RPH3A: variants seen among roughly 807,000 people sequenced by gnomAD.
RPH3A encodes rabphilin 3A.
In RPH3A, 48 loss-of-function variants were observed where a neutral mutation model predicts 102.2. The observed-to-expected ratio is 0.47, with a 90% CI of 0.37 to 0.60. The LOEUF is 0.60. Ranked by LOEUF, RPH3A falls within the 20% of genes least tolerant of loss-of-function variation. The pLI, the probability that RPH3A is intolerant of heterozygous loss-of-function variation, is 0.00. For missense variants in RPH3A, 781 were observed against 910.1 expected, an observed-to-expected ratio of 0.86 and a Z score of 1.83; for synonymous variants, 310 against 324.3, an observed-to-expected ratio of 0.96 and a Z score of 0.47.
At chr12:112,875,425 C>T (rs1234308497) in intron 11 of RPH3A, among the ~76,000 whole-genome samples, 1 of 152,080 alleles carries the variant, frequency 6.6e-6, no homozygotes, top group Non-Finnish European at 1.5e-5. Context: ...CCAGTGTTTC[C>T]CACCTCAAGG....
At chr12:112,887,087 T>C (rs1330491189) in intron 16 of RPH3A, among the ~76,000 whole-genome samples, 1 of 152,210 alleles carries the variant, frequency 6.6e-6, no homozygotes, top group Non-Finnish European at 1.5e-5. Context: ...CTTGGAAAAC[T>C]GTTTTGAAGT....
chr12:112,699,483 A>C (rs1323415620), intron 1 of RPH3A, among the ~76,000 whole-genome samples: 1 of 152,240 alleles, frequency 6.6e-6, no homozygotes, highest in Non-Finnish European at 1.5e-5. Flanking sequence ...ACGTGACCAC[A>C]TGGGCAAATC....
At chr12:112,694,077 G>T (rs542437559) in intron 1 of RPH3A, among the ~76,000 whole-genome samples, 1 of 152,320 alleles carries the variant, frequency 6.6e-6, no homozygotes, top group African/African-American at 2.4e-5. Context: ...ATAAGATTTT[G>T]TCAGAAGCTC....
chr12:112,712,879 T>TTTTTTC (rs2040472924), intron 1 of RPH3A, among the ~76,000 whole-genome samples: 2 of 136,846 alleles, frequency 1.5e-5, no homozygotes, highest in African/African-American at 6.4e-5. Context: ...CTCACTTTTT[T>TTTTTTC]TTCTTCTTCT....
chr12:112,860,483 A>G (rs974297176), intron 5 of RPH3A, among the ~76,000 whole-genome samples: 8 of 152,190 alleles, frequency 5.3e-5, no homozygotes, highest in Admixed American at 5.2e-4. Flanking sequence ...TGGTGAAAGG[A>G]GCAGGCAATA....
chr12:112,660,107 C>T (rs2040039479), intron 1 of RPH3A, among the ~76,000 whole-genome samples: 1 of 152,054 alleles, frequency 6.6e-6, no homozygotes, highest in Non-Finnish European at 1.5e-5. Context: ...TAAATATATA[C>T]ATATTATATG....
chr12:112,821,723 C>T (rs185147032), intron 2 of RPH3A, among the ~76,000 whole-genome samples: 63 of 152,288 alleles, frequency 4.1e-4, no homozygotes, highest in African/African-American at 1.5e-3. Flanking sequence ...CACCTGTGGA[C>T]ACATTTAATA....
Position 112,709,721 on chromosome 12 carries a change from T to C in RPH3A, c.-139-82422T>C, listed in dbSNP as rs79312111. Among the ~76,000 whole-genome samples the C allele has an allele frequency of 2.0e-4, 31 of 152,236 alleles. 1 individual carries two copies. In the East Asian group the frequency reaches 5.0e-3, roughly 25 times the overall value. ...GAAAAAATGCTGTTTAAACCAAGCT[T>C]GTAGGTTGCAGGTGGGTCATTCCAA... On this transcript the variant is annotated intron_variant, in intron 1 of 21. Coordinates refer to the RPH3A transcript ENST00000543106.
chr12:112,830,837 C>T (rs987176422), intron 3 of RPH3A, among the ~76,000 whole-genome samples: 3 of 151,510 alleles, frequency 2.0e-5, no homozygotes, highest in Admixed American at 1.3e-4. Flanking sequence ...AGTCCTCTTA[C>T]GTTTCAGGTA....
intron 2 of RPH3A, among the ~76,000 whole-genome samples, chr12:112,823,388 T>C (rs942442645): frequency 6.6e-6 from 1 of 152,232 alleles, no homozygotes; most frequent in East Asian, 1.9e-4. Context: ...ATGAGGATAA[T>C]ACCATCTACC....
At chr12:112,620,762 A>T (rs1404856995) in intron 1 of RPH3A, among the ~76,000 whole-genome samples, 1 of 151,904 alleles carries the variant, frequency 6.6e-6, no homozygotes, top group African/African-American at 2.4e-5. Flanking sequence ...TTAACTGGCC[A>T]CTCCATCCTT....
chr12:112,742,680 G>A (rs2040718039), intron 1 of RPH3A, among the ~76,000 whole-genome samples: 1 of 152,184 alleles, frequency 6.6e-6, no homozygotes, highest in Non-Finnish European at 1.5e-5. Flanking sequence ...TTTATTGCTG[G>A]GTAAATGCTG....
chr12:112,734,912 G>A (rs949360507), intron 1 of RPH3A, among the ~76,000 whole-genome samples: 4 of 152,188 alleles, frequency 2.6e-5, no homozygotes, highest in African/African-American at 9.7e-5. Context: ...CTTCTTTACT[G>A]TATGCTGTTT....
chr12:112,589,247 C>T (rs938093334), intron 1 of RPH3A, among the ~76,000 whole-genome samples: 2 of 152,078 alleles, frequency 1.3e-5, no homozygotes. Context: ...TTATTCCTGC[C>T]TCTTAACTTT....
At chr12:112,713,706 G>A (rs2040496249) in intron 1 of RPH3A, among the ~76,000 whole-genome samples, 1 of 152,210 alleles carries the variant, frequency 6.6e-6, no homozygotes, top group Admixed American at 6.5e-5. Context: ...TATGGTGGAT[G>A]TTCAATAAAT....
At chr12:112,704,406 G>A (rs993285306) in intron 1 of RPH3A, among the ~76,000 whole-genome samples, 5 of 152,102 alleles carry the variant, frequency 3.3e-5, no homozygotes, top group Admixed American at 1.3e-4. Context: ...TCTTTTCAAG[G>A]TGCAGATCTA....
rs771905568 is a variant in RPH3A, at chr12:112,896,660, G to A, written c.1965G>A (p.Gln655=). The A allele has an allele frequency of 6.2e-7, 1 of 1,614,122 alleles. No homozygotes were observed. The highest frequency in any genetic ancestry group is 1.7e-5 in the Admixed American group (1 of 60,028). The change falls in exon 22 of 22, where the codon CAG becomes CAA. Residue 655 remains glutamine (Q), a synonymous_variant. Transcript: ENST00000389385. Reference sequence around the variant, plus strand: ...CCATTTATCCTCCAGGAGGCTGCCAGCTGGGGATCTCTGCCAAGGGAGAGC... The same window carrying A: ...CCATTTATCCTCCAGGAGGCTGCCAACTGGGGATCTCTGCCAAGGGAGAGC... ...GKSNDYIGGC[Q]LGISAKGERL...
At chr12:112,591,140 T>C (rs2039474930) in intron 1 of RPH3A, among the ~76,000 whole-genome samples, 1 of 149,366 alleles carries the variant, frequency 6.7e-6, no homozygotes, top group Non-Finnish European at 1.5e-5. Context: ...AAAATAGAGA[T>C]GGGGTCTTGC....
At chr12:112,857,981 A>G (rs2042437970) in intron 5 of RPH3A, among the ~76,000 whole-genome samples, 2 of 152,162 alleles carry the variant, frequency 1.3e-5, no homozygotes, top group South Asian at 4.1e-4. Flanking sequence ...TGTTGTCTCT[A>G]AATGGGACTG....
Sources: allele counts gnomAD v4.1 joint callset (sites outside exome capture counted in the v4.1 genomes callset), GRCh38; gene constraint gnomAD v4.1.1; transcripts MANE v1.5; gene names NCBI Gene and HGNC (gene_info 2026-07-23, HGNC 2026-07-21).